Variants in ADAM23 observed in about 807,000 individuals in gnomAD.
ADAM23 encodes disintegrin and metalloproteinase domain-containing protein 23.
A neutral mutation model predicts 120.1 loss-of-function variants in ADAM23; 33 were observed. The ratio of observed to expected loss-of-function variants is 0.27; its 90% CI spans 0.21 to 0.37. ADAM23 has a LOEUF of 0.37. ADAM23 is among the 10% of genes least tolerant of loss of function. The pLI, the probability that ADAM23 is intolerant of heterozygous loss-of-function variation, is 1.00. For missense variants in ADAM23, 862 were observed against 1,058.2 expected, an observed-to-expected ratio of 0.81 and a Z score of 2.57; for synonymous variants, 367 against 375.2, an observed-to-expected ratio of 0.98 and a Z score of 0.25.
chr2:206,610,135 A>G, intron 25 of ADAM23, 135 bp downstream of exon 25: 1 of 722,708 alleles, frequency 1.4e-6, no homozygotes, highest in Non-Finnish European at 2.1e-6. Context: ...CTTTTTATTC[A>G]GAAATGGGTT....
intron 3 of ADAM23, among the ~76,000 whole-genome samples, chr2:206,518,790 G>T (rs1452472040): frequency 6.6e-6 from 1 of 152,122 alleles, no homozygotes; most frequent in Non-Finnish European, 1.5e-5. Context: ...GAAAATTTCA[G>T]CAGCTCTTTA....
At chr2:206,452,921 C>A (rs1247123924) in intron 2 of ADAM23, among the ~76,000 whole-genome samples, 1 of 152,148 alleles carries the variant, frequency 6.6e-6, no homozygotes, top group South Asian at 2.1e-4. Context: ...TTCTTGTCAT[C>A]GCCTCTGGTC....
Position 206,443,623 on chromosome 2 carries a change from G to C in ADAM23, c.-244G>C, listed in dbSNP as rs1695003020. ...CCGCTGGGGAGGCTCCAAGTTGGCG[G>C]AGCGGCGAGGACCCCTGGACTCCTC... is the stretch of plus-strand genomic sequence containing the variant. On this transcript the variant is annotated 5_prime_UTR_variant, in exon 1 of 26. Coordinates refer to ENST00000264377, the MANE Select transcript of ADAM23 (RefSeq NM_003812.4). The C allele has an allele frequency of 1.3e-5, 2 of 148,430 alleles. No homozygotes were observed. Among genetic ancestry groups the C allele is most frequent in the African/African-American group, 4.9e-5 (2 of 40,916 alleles). 9.2% of individuals were successfully genotyped at this position (148,430 alleles called of 1,614,324 possible).
At chr2:206,569,881 T>A (rs1697961991) in intron 15 of ADAM23, among the ~76,000 whole-genome samples, 1 of 152,190 alleles carries the variant, frequency 6.6e-6, no homozygotes, top group Admixed American at 6.5e-5. Flanking sequence ...GTTCAGCTGC[T>A]GGAGATGGAG....
At chr2:206,574,040 T>C (rs534633098) in intron 18 of ADAM23, among the ~76,000 whole-genome samples, 1 of 152,248 alleles carries the variant, frequency 6.6e-6, no homozygotes, top group South Asian at 2.1e-4. Flanking sequence ...CAATAATTAC[T>C]TTTGCACCAA....
At chr2:206,544,996 G>A (rs1315450196) in intron 6 of ADAM23, among the ~76,000 whole-genome samples, 2 of 152,050 alleles carry the variant, frequency 1.3e-5, no homozygotes, top group African/African-American at 4.8e-5. Flanking sequence ...GAGCTTTGAG[G>A]AACCTGACAG....
At chr2:206,454,983 T>G (rs1282950999) in intron 2 of ADAM23, among the ~76,000 whole-genome samples, 6 of 152,130 alleles carry the variant, frequency 3.9e-5, no homozygotes, top group Admixed American at 2.0e-4. Flanking sequence ...CATTCTGAGG[T>G]CTAGAGGGCA....
At chr2:206,499,688 T>C (rs2105892530) in intron 3 of ADAM23, among the ~76,000 whole-genome samples, 1 of 152,240 alleles carries the variant, frequency 6.6e-6, no homozygotes, top group East Asian at 1.9e-4. Flanking sequence ...GTGATCTTAC[T>C]CCTTTGAGAG....
At chr2:206,512,828 C>T (rs907042673) in intron 3 of ADAM23, among the ~76,000 whole-genome samples, 1 of 152,128 alleles carries the variant, frequency 6.6e-6, no homozygotes, top group Non-Finnish European at 1.5e-5. Context: ...ACCATTTTTC[C>T]AACAGCGCAT....
At chr2:206,468,743 G>A (rs866628847) in intron 2 of ADAM23, among the ~76,000 whole-genome samples, 4 of 152,068 alleles carry the variant, frequency 2.6e-5, no homozygotes, top group Non-Finnish European at 4.4e-5. Flanking sequence ...CCAATTTTCT[G>A]TATTAGTCCA....
intron 18 of ADAM23, among the ~76,000 whole-genome samples, chr2:206,586,102 C>T (rs909978297): frequency 6.6e-6 from 1 of 152,182 alleles, no homozygotes; most frequent in Admixed American, 6.5e-5. Flanking sequence ...GGTGTGTCCA[C>T]GTGGACTCAC....
At chr2:206,596,287 G>A (rs1258141705) in intron 24 of ADAM23, 125 bp downstream of exon 24, 11 of 664,934 alleles carry the variant, frequency 1.7e-5, no homozygotes, top group Non-Finnish European at 2.8e-5. Context: ...TGCCTTTAAA[G>A]TATATAATTT....
At chr2:206,584,154 C>T (rs776663277) in intron 18 of ADAM23, among the ~76,000 whole-genome samples, 3 of 152,176 alleles carry the variant, frequency 2.0e-5, no homozygotes, top group South Asian at 4.1e-4. Context: ...TCCAGTGAGT[C>T]TACCCGGCTC....
At chr2:206,608,333 T>G (rs1164363314) in intron 24 of ADAM23, among the ~76,000 whole-genome samples, 1 of 152,220 alleles carries the variant, frequency 6.6e-6, no homozygotes, top group Non-Finnish European at 1.5e-5. Flanking sequence ...ACCCTTGACT[T>G]ATAGGATATG....
At chr2:206,455,755 G>A (rs918142074) in intron 2 of ADAM23, among the ~76,000 whole-genome samples, 2 of 152,088 alleles carry the variant, frequency 1.3e-5, no homozygotes, top group African/African-American at 4.8e-5. Flanking sequence ...CTGGAGCAGG[G>A]CACAGTGCCT....
At chr2:206,599,924 G>A (rs560208935) in intron 24 of ADAM23, among the ~76,000 whole-genome samples, 3 of 152,262 alleles carry the variant, frequency 2.0e-5, no homozygotes, top group Non-Finnish European at 2.9e-5. Flanking sequence ...TGTTGTGGCC[G>A]GGCACGGTGG....
At chr2:206,481,206 G>A (rs779371187) in intron 2 of ADAM23, 26 bp from the exon 3 acceptor site, 1 of 1,577,090 alleles carries the variant, frequency 6.3e-7, no homozygotes, top group Non-Finnish European at 8.6e-7. Context: ...GTAAGTTAAG[G>A]TTCTTCTGTC....
At chr2:206,595,035 G>T (rs1043597688) in intron 23 of ADAM23, 130 bp downstream of exon 23, 7 of 1,202,314 alleles carry the variant, frequency 5.8e-6, no homozygotes, top group South Asian at 3.1e-5. Context: ...GCAAAAAATA[G>T]CTGGGCGTGG....
chr2:206,607,844 GAGTAA>G (rs1232959497), intron 24 of ADAM23: 4 of 322,388 alleles, frequency 1.2e-5, no homozygotes, highest in Non-Finnish European at 2.4e-5. Context: ...TTAATTGATA[GAGTAA>G]TGTTCATTCA....
Sources: allele counts gnomAD v4.1 joint callset (sites outside exome capture counted in the v4.1 genomes callset), GRCh38; gene constraint gnomAD v4.1.1; transcripts MANE v1.5; gene names NCBI Gene and HGNC (gene_info 2026-07-23, HGNC 2026-07-21).